RSF1: variants seen among roughly 807,000 people sequenced by gnomAD.
The protein encoded by RSF1 is HBV pX-associated protein 8.
RSF1 carries 13 observed loss-of-function variants against 145.2 expected under a neutral mutation model. The ratio of observed to expected loss-of-function variants is 0.09; its 90% CI spans 0.06 to 0.14. RSF1 has a LOEUF of 0.14. Among genes scored for constraint, RSF1 ranks in the 10% least tolerant of loss-of-function variants. The pLI is 1.00. For missense variants in RSF1, 1,517 were observed against 1,718.2 expected (o/e 0.88, Z 2.07); for synonymous variants, 577 against 592.6 (o/e 0.97, Z 0.38).
intron 2 of RSF1, among the ~76,000 whole-genome samples, chr11:77,751,268 G>A (rs1415118929): frequency 6.6e-6 from 1 of 151,936 alleles, no homozygotes; most frequent in Non-Finnish European, 1.5e-5. Context: ...TAATTCTTTT[G>A]GATAACTCAT....
At chr11:77,838,466 C>G in the RSF1 span, among the ~76,000 whole-genome samples, 1 of 152,114 alleles carries the variant, frequency 6.6e-6, no homozygotes, top group African/African-American at 2.4e-5. Flanking sequence ...ACAACTCTTG[C>G]CCAAGGGTGA....
chr11:77,823,398 G>A (rs7951033), upstream of RSF1, among the ~76,000 whole-genome samples: 118,476 of 151,502 alleles, frequency 0.78, 46,424 homozygotes, highest in East Asian at 0.91. Context: ...ACGGGCAAGT[G>A]TATATCTCTT....
the RSF1 span, among the ~76,000 whole-genome samples, chr11:77,837,482 TC>T: frequency 6.9e-6 from 1 of 145,542 alleles, no homozygotes; most frequent in South Asian, 2.1e-4. Flanking sequence ...TGAGATGGAG[TC>T]TCGCTCTGTC....
intron 1 of RSF1, among the ~76,000 whole-genome samples, chr11:77,810,867 G>A (rs544759865): frequency 3.9e-5 from 6 of 152,286 alleles, no homozygotes; most frequent in African/African-American, 1.4e-4. Context: ...ATAAAGATCA[G>A]TAAATTTTTT....
rs745954856 is a variant in RSF1 at position 77,682,911 on chromosome 11, CAG to C, written c.3065+797_3065+798del. Among the ~76,000 whole-genome samples, 7 of 152,254 alleles carry C rather than the reference CAG, an allele frequency of 4.6e-5. No individual in the cohort carries two copies. The East Asian group carries it at 7.7e-4, about 17-fold the overall frequency. On this transcript the variant is annotated intron_variant, in intron 11 of 15. Transcript: ENST00000308488. ...GGACTAAAAGGCGATGCAGCAAATG[CAG>C]AGAGTGTAAGGGAGAATGTGATAAG... is the stretch of plus-strand genomic sequence containing the variant.
the RSF1 span, among the ~76,000 whole-genome samples, chr11:77,827,132 T>G: frequency 6.6e-6 from 1 of 151,702 alleles, no homozygotes; most frequent in African/African-American, 2.4e-5. Context: ...ATTGGGAATT[T>G]GAAATTTGCC....
At chr11:77,858,076 T>C in the RSF1 span, among the ~76,000 whole-genome samples, 1 of 152,010 alleles carries the variant, frequency 6.6e-6, no homozygotes, top group Non-Finnish European at 1.5e-5. Context: ...TGGAGTACAG[T>C]GGTATGATCA....
chr11:77,787,000 T>A (rs1948463215), intron 1 of RSF1, among the ~76,000 whole-genome samples: 1 of 152,008 alleles, frequency 6.6e-6, no homozygotes, highest in Admixed American at 6.5e-5. Flanking sequence ...AGAGATGAGG[T>A]TAAGAGTCAA....
At chr11:77,802,554 T>G (rs1426284225) in intron 1 of RSF1, among the ~76,000 whole-genome samples, 1 of 152,192 alleles carries the variant, frequency 6.6e-6, no homozygotes, top group Non-Finnish European at 1.5e-5. Context: ...TAATTAATTT[T>G]TTTTTTGAGA....
At chr11:77,790,393 C>T (rs1047670363) in intron 1 of RSF1, among the ~76,000 whole-genome samples, 1 of 152,074 alleles carries the variant, frequency 6.6e-6, no homozygotes, top group African/African-American at 2.4e-5. Context: ...GGGTCCCTCC[C>T]ACAACACATG....
At chr11:77,732,949 T>C (rs1490734402) in intron 4 of RSF1, among the ~76,000 whole-genome samples, 1 of 152,204 alleles carries the variant, frequency 6.6e-6, no homozygotes, top group Non-Finnish European at 1.5e-5. Flanking sequence ...TTGAGACAAA[T>C]CCATATAGTT....
Position 77,664,525 on chromosome 11 carries a change from C to T in RSF1, c.*2392G>A, listed in dbSNP as rs190408038. The T allele has an allele frequency of 6.6e-6, 1 of 152,306 alleles. No homozygotes were observed. Among genetic ancestry groups the T allele is most frequent in the East Asian group, 1.9e-4 (1 of 5,190 alleles). 9.4% of individuals were successfully genotyped at this position (152,306 alleles called of 1,614,324 possible). On this transcript the variant is annotated 3_prime_UTR_variant, in exon 16 of 16. Coordinates refer to ENST00000308488, the MANE Select transcript of RSF1 (RefSeq NM_016578.4). ...GTTAAAATTATCTACCCATTTAATA[C>T]TACTTCTGATCACTTGGCTTAACTG...
chr11:77,761,828 ATTT>A (rs11381383), intron 2 of RSF1, among the ~76,000 whole-genome samples: 3 of 119,576 alleles, frequency 2.5e-5, no homozygotes, highest in African/African-American at 3.3e-5. Flanking sequence ...CCATTCGGTG[ATTT>A]TTTTTTTTTT....
chr11:77,668,045 T>C (rs995059739), intron 15 of RSF1, among the ~76,000 whole-genome samples: 7 of 152,056 alleles, frequency 4.6e-5, no homozygotes, highest in African/African-American at 1.7e-4. Context: ...TCTCCCAGGC[T>C]GGAGTATCAT....
chr11:77,706,197 C>A (rs932400939), intron 5 of RSF1, among the ~76,000 whole-genome samples: 1 of 150,086 alleles, frequency 6.7e-6, no homozygotes, highest in African/African-American at 2.5e-5. Context: ...GCTGAGATTG[C>A]CCCACTGCAC....
chr11:77,701,065 T>C lies in RSF1; in HGVS notation c.2164A>G (p.Thr722Ala), dbSNP rs750957158. The C allele has an allele frequency of 3.1e-6, 5 of 1,613,884 alleles. No individual in the cohort carries two copies. In the East Asian group the frequency reaches 1.1e-4, roughly 36 times the overall value. The change falls in exon 6 of 16, where the codon ACA becomes GCA. Residue 722 changes from threonine (T) to alanine (A), a missense_variant. Coordinates refer to ENST00000308488, the MANE Select transcript of RSF1 (RefSeq NM_016578.4). ...PEEETTASEN[T>A]EITSERQKEG... ...TTCTGCCTTTCAGAGGTTATCTCTG[T>C]ATTTTCTGAGGCAGTGGTTTCTTCT...
At chr11:77,707,082 C>T (rs1329757708) in intron 5 of RSF1, among the ~76,000 whole-genome samples, 1 of 152,142 alleles carries the variant, frequency 6.6e-6, no homozygotes, top group Non-Finnish European at 1.5e-5. Context: ...CTTGTGTTTG[C>T]ACATTGCTTT....
At chr11:77,837,727 C>T in the RSF1 span, among the ~76,000 whole-genome samples, 21 of 152,266 alleles carry the variant, frequency 1.4e-4, no homozygotes, top group East Asian at 7.7e-4. Flanking sequence ...TGAACCACCA[C>T]GCCCAGCCCT....
At chr11:77,699,962 C>A (rs879400751) in intron 6 of RSF1, among the ~76,000 whole-genome samples, 9 of 152,114 alleles carry the variant, frequency 5.9e-5, no homozygotes, top group Non-Finnish European at 1.2e-4. Context: ...AGTTCAGAGA[C>A]ACTTTAAGTG....
Sources: allele counts gnomAD v4.1 joint callset (sites outside exome capture counted in the v4.1 genomes callset), GRCh38; gene constraint gnomAD v4.1.1; transcripts MANE v1.5; gene names NCBI Gene and HGNC (gene_info 2026-07-23, HGNC 2026-07-21).